SV2B: variants seen among roughly 807,000 people sequenced by gnomAD.
SV2B encodes the protein solute carrier family 22 member B2.
SV2B carries 41 observed loss-of-function variants against 73.9 expected under a neutral mutation model. The ratio of observed to expected loss-of-function variants is 0.56; its 90% CI spans 0.43 to 0.72. The LOEUF is 0.72. Ranked by LOEUF, SV2B falls within the 30% of genes least tolerant of loss-of-function variation. The pLI is 0.00. For missense variants in SV2B, 764 were observed against 857.8 expected (o/e 0.89, Z 1.37); for synonymous variants, 314 against 314.2 (o/e 1.00, Z 0.01).
At chr15:91,125,620 A>G (rs2042454857) in intron 1 of SV2B, among the ~76,000 whole-genome samples, 1 of 151,514 alleles carries the variant, frequency 6.6e-6, no homozygotes, top group African/African-American at 2.4e-5. Flanking sequence ...CAAAATACCA[A>G]AAAAATTAGC....
chr15:91,196,446 G>T (rs375185593), intron 1 of SV2B, among the ~76,000 whole-genome samples: 122 of 152,348 alleles, frequency 8.0e-4, no homozygotes, highest in African/African-American at 2.8e-3. Flanking sequence ...ATCTGAATTA[G>T]ATTTTATAGG....
chr15:91,104,763 GCTGGGA>G (rs1231075548), intron 1 of SV2B, among the ~76,000 whole-genome samples: 16 of 152,308 alleles, frequency 1.1e-4, no homozygotes, highest in Middle Eastern at 3.4e-3. Context: ...CTCCTGAGTA[GCTGGGA>G]CTACAGGCGT....
intron 1 of SV2B, among the ~76,000 whole-genome samples, chr15:91,134,199 T>C (rs1285023778): frequency 6.6e-6 from 1 of 151,988 alleles, no homozygotes; most frequent in Non-Finnish European, 1.5e-5. Context: ...GGTTTCACCA[T>C]GTTGGCCAGG....
chr15:91,217,528 A>G (rs974145783), intron 1 of SV2B, among the ~76,000 whole-genome samples: 9 of 152,198 alleles, frequency 5.9e-5, no homozygotes, highest in Non-Finnish European at 1.3e-4. Context: ...ACAAACCTGC[A>G]TGTTGTGCAC....
In SV2B at chr15:91,284,148, C is replaced by A. The variant is rs1276209670; in HGVS notation, c.1635C>A (p.Gly545=). 3 of 1,614,132 alleles carry A rather than the reference C, an allele frequency of 1.9e-6. No homozygotes were observed. The highest frequency in any genetic ancestry group is 1.7e-5 in the Admixed American group (1 of 60,014). ...DFLIYLVSFL[G]SLSVLPGNII... ...TGATTTACCTCGTCAGCTTCCTGGG[C>A]AGCCTGTCTGTCTTACCCGGGAACA... Residue 545 remains glycine (G), a synonymous_variant, in exon 11 of 13, where the codon GGC becomes GGA. Coordinates refer to ENST00000394232, the MANE Select transcript of SV2B (RefSeq NM_001323032.3). The surrounding 1 kb of genome is among the most constrained non-coding windows in gnomAD (Gnocchi z 4.5).
rs2042859262 is a variant in SV2B at position 91,137,291 on chromosome 15, A to G, written c.-392+36928A>G. On this transcript the variant is annotated intron_variant, in intron 1 of 12. Coordinates refer to ENST00000394232, the MANE Select transcript of SV2B (RefSeq NM_001323032.3). The surrounding 1 kb of genome is among the most constrained non-coding windows in gnomAD (Gnocchi z 4.9). ...AATGAGTTGTTTAAGCCACCCTCAT[A>G]TTAGAGTCTACCCACCTCCATTGTT... 6.6e-6 allele frequency among the ~76,000 whole-genome samples: 1 copy of G among 152,186 alleles called. No homozygotes were observed. Among genetic ancestry groups the G allele is most frequent in the African/African-American group, 2.4e-5 (1 of 41,446 alleles).
chr15:91,145,353 T>C (rs1441393329), intron 1 of SV2B, among the ~76,000 whole-genome samples: 1 of 152,248 alleles, frequency 6.6e-6, no homozygotes, highest in Non-Finnish European at 1.5e-5. Flanking sequence ...TATTCCATGG[T>C]GTACATGTAC....
chr15:91,220,873 A>AT lies in SV2B; in HGVS notation c.-391-4993dup, dbSNP rs1164840577. Among the ~76,000 whole-genome samples the AT allele has an allele frequency of 7.3e-6, 1 of 137,608 alleles. No individual in the cohort carries two copies. Among genetic ancestry groups the AT allele is most frequent in the Non-Finnish European group, 1.5e-5 (1 of 65,642 alleles). 90.3% of individuals were successfully genotyped at this position (137,608 alleles called of 152,430 possible). On this transcript the variant is annotated intron_variant, in intron 1 of 12. Transcript: ENST00000394232. The surrounding 1 kb of genome is among the most constrained non-coding windows in gnomAD (Gnocchi z 4.1). The stretch of plus-strand genomic sequence containing the variant: ...CATGTTTATTATTTTATTTTATTTT[A>AT]TTTTTTTGAGACAGGGGTCTCTCTC...
At position 91,136,705 on chromosome 15, in the gene SV2B, C is replaced by T. The variant is rs1012830267; in HGVS notation, c.-392+36342C>T. ...TGTCAGCAGATCTGTCTCTTGGGAG[C>T]GGGAATGGGGTGGCTTCCTTCCCTC... On this transcript the variant is annotated intron_variant, in intron 1 of 12. Coordinates refer to ENST00000394232, the MANE Select transcript of SV2B (RefSeq NM_001323032.3). This position sits in a 1 kb window ranked among gnomAD's most constrained non-coding sequence, Gnocchi z 5.6. 2.0e-5 allele frequency among the ~76,000 whole-genome samples: 3 copies of T among 152,052 alleles called. No homozygotes were observed. The highest frequency in any genetic ancestry group is 7.2e-5 in the African/African-American group (3 of 41,394).
intron 1 of SV2B, among the ~76,000 whole-genome samples, chr15:91,225,066 AC>A (rs1207034511): frequency 6.6e-6 from 1 of 152,242 alleles, no homozygotes; most frequent in Non-Finnish European, 1.5e-5. Flanking sequence ...TTTATGCACA[AC>A]CTTATGAATT....
In SV2B at chr15:91,241,656, C is replaced by T. The variant is rs547074450; in HGVS notation, c.452-10163C>T. ...CCCCTGTTATCACACCTACCTTCCT[C>T]GCTGCCTCTGTGCTGACCCCGTATT... On this transcript the variant is annotated intron_variant, in intron 2 of 12. Transcript: ENST00000394232. The surrounding 1 kb of genome is among the most constrained non-coding windows in gnomAD (Gnocchi z 4.8). 8.5e-5 allele frequency among the ~76,000 whole-genome samples: 13 copies of T among 152,290 alleles called. No homozygotes were observed. Among genetic ancestry groups the T allele is most frequent in the East Asian group, 3.9e-4 (2 of 5,180 alleles).
In SV2B at chr15:91,222,997, G is replaced by A. The variant is rs185349769; in HGVS notation, c.-391-2876G>A. ...TGTTTCATACCTCTGGAGCTTAGAT[G>A]TTCAGAATCAGGGTGTCAACACAGT... is the stretch of plus-strand genomic sequence containing the variant. On this transcript the variant is annotated intron_variant, in intron 1 of 12. Transcript: ENST00000394232. Among the ~76,000 whole-genome samples the A allele has an allele frequency of 6.2e-4, 95 of 152,340 alleles. 1 individual carries two copies. Among genetic ancestry groups the A allele is most frequent in the African/African-American group, 1.8e-3 (76 of 41,576 alleles).
intron 9 of SV2B, among the ~76,000 whole-genome samples, chr15:91,279,871 A>G (rs1014885091): frequency 2.6e-5 from 4 of 152,228 alleles, no homozygotes; most frequent in Non-Finnish European, 4.4e-5. Flanking sequence ...AGACTCACCA[A>G]TTAGTTTTCC....
chr15:91,185,052 A>G (rs576341604), intron 1 of SV2B, among the ~76,000 whole-genome samples: 2 of 152,326 alleles, frequency 1.3e-5, no homozygotes, highest in Admixed American at 6.5e-5. Flanking sequence ...TGTTCTGTCC[A>G]TCCAATTGAA....
At position 91,232,388 on chromosome 15, in the gene SV2B, G is replaced by A. The variant is rs1410570078; in HGVS notation, c.451+5674G>A. ...AAATAGAATAGACTTAAAATGAAGG[G>A]CTCCCTTAGCAGACGTACACGGATT... is the stretch of plus-strand genomic sequence containing the variant. On this transcript the variant is annotated intron_variant, in intron 2 of 12. Transcript: ENST00000394232. The surrounding 1 kb of genome is among the most constrained non-coding windows in gnomAD (Gnocchi z 4.7). 6.6e-6 allele frequency among the ~76,000 whole-genome samples: 1 copy of A among 152,178 alleles called. No homozygotes were observed. Among genetic ancestry groups the A allele is most frequent in the Admixed American group, 6.5e-5 (1 of 15,276 alleles).
In SV2B at chr15:91,128,387, G is replaced by C. The variant is rs910195838; in HGVS notation, c.-392+28024G>C. ...GAGTCAGAAAAAGTGAATGGACCAG[G>C]TACTTACCCAGGGTCTGATTCCACC... On this transcript the variant is annotated intron_variant, in intron 1 of 12. Transcript: ENST00000394232. The surrounding 1 kb of genome is among the most constrained non-coding windows in gnomAD (Gnocchi z 4.2). Among the ~76,000 whole-genome samples the C allele has an allele frequency of 2.6e-5, 4 of 152,300 alleles. No individual in the cohort carries two copies. Among genetic ancestry groups the C allele is most frequent in the Middle Eastern group, 6.8e-3 (2 of 294 alleles).
Position 91,226,402 on chromosome 15 carries a change from G to A in SV2B, c.139G>A (p.Glu47Lys), listed in dbSNP as rs771936032. 2 of 1,614,202 alleles carry A rather than the reference G, an allele frequency of 1.2e-6. No homozygotes were observed. Among genetic ancestry groups the A allele is most frequent in the Non-Finnish European group, 8.5e-7 (1 of 1,180,038 alleles). The change falls in exon 2 of 13, where the codon GAG becomes AAG. Residue 47 changes from glutamate (E) to lysine (K), a missense_variant. Glu to Lys is a moderately conservative substitution (Grantham distance 56). Coordinates refer to ENST00000394232, the MANE Select transcript of SV2B (RefSeq NM_001323032.3). ...EGHDEEDEIY[E>K]GEYQGIPHPD... is the part of the protein sequence containing the mutation. The stretch of plus-strand genomic sequence containing the variant: ...CCATGATGAGGAAGACGAGATCTAT[G>A]AGGGCGAGTACCAGGGTATCCCTCA...
chr15:91,255,723 G>A (rs2047665211), intron 4 of SV2B, among the ~76,000 whole-genome samples: 1 of 152,170 alleles, frequency 6.6e-6, no homozygotes, highest in Admixed American at 6.5e-5. Context: ...TAAAATAGAA[G>A]CCTCTTGGAT....
At position 91,252,962 on chromosome 15, in the gene SV2B, G is replaced by T. The variant is rs534623788; in HGVS notation, c.784+442G>T. Reference sequence around the variant, plus strand: ...CCTGGCATGTGGTGGAGTGGGGGCTGGAGTCCTGATGTCCCCTCAGGTGCA... The same window carrying T: ...CCTGGCATGTGGTGGAGTGGGGGCTTGAGTCCTGATGTCCCCTCAGGTGCA... On this transcript the variant is annotated intron_variant, in intron 4 of 12. Transcript: ENST00000394232. This position sits in a 1 kb window ranked among gnomAD's most constrained non-coding sequence, Gnocchi z 4.6. Among the ~76,000 whole-genome samples the T allele has an allele frequency of 6.6e-6, 1 of 152,286 alleles. No individual in the cohort carries two copies. The highest frequency in any genetic ancestry group is 2.1e-4 in the South Asian group (1 of 4,828).
Sources: gnomAD v4.1 joint callset for allele counts (sites outside exome capture counted in the v4.1 genomes callset) on GRCh38, gnomAD v4.1.1 for gene constraint, Gnocchi (gnomAD v3.1) non-coding constraint, MANE v1.5 for transcripts, NCBI Gene and HGNC (gene_info 2026-07-23, HGNC 2026-07-21) for gene names.